The following CAND1 variants were observed in gnomAD, a reference collection of about 807,000 sequenced individuals.
CAND1 encodes the protein cullin-associated NEDD8-dissociated protein 1.
In CAND1, 7 loss-of-function variants were observed where a neutral mutation model predicts 108.5. That is an observed-to-expected ratio of 0.06 (90% confidence interval 0.04 to 0.12). CAND1 has a LOEUF of 0.12. Ranked by LOEUF, CAND1 falls within the 10% of genes least tolerant of loss-of-function variation. The pLI is 1.00. For synonymous variants in CAND1, 534 were observed against 512.0 expected, an observed-to-expected ratio of 1.04 and a Z score of -0.58; for missense variants, 941 against 1,448.7, an observed-to-expected ratio of 0.65 and a Z score of 5.69.
At chr12:67,279,728 C>A (rs1046105583) in intron 1 of CAND1, among the ~76,000 whole-genome samples, 1 of 152,016 alleles carries the variant, frequency 6.6e-6, no homozygotes, top group African/African-American at 2.4e-5. Context: ...TCCAGAGTTT[C>A]TTACATAATA....
chr12:67,272,782 C>T (rs1420056819), intron 1 of CAND1, among the ~76,000 whole-genome samples: 1 of 152,028 alleles, frequency 6.6e-6, no homozygotes, highest in Non-Finnish European at 1.5e-5. Flanking sequence ...CTTCAACCTC[C>T]GCCTCCCAGG....
intron 1 of CAND1, among the ~76,000 whole-genome samples, chr12:67,275,798 CA>C (rs1436081063): frequency 6.6e-6 from 1 of 152,120 alleles, no homozygotes; most frequent in Non-Finnish European, 1.5e-5. Context: ...CTGTGTTACT[CA>C]TCACTGTGTT....
intron 1 of CAND1, chr12:67,270,044 C>A: frequency 6.3e-6 from 3 of 477,464 alleles, no homozygotes; most frequent in Non-Finnish European, 1.1e-5. Context: ...CTCAGCGCCC[C>A]CACATCCTTC....
Position 67,286,605 on chromosome 12 carries a change from GTTC to G in CAND1, c.212+4557_212+4559del, listed in dbSNP as rs370179269. On this transcript the variant is annotated intron_variant, in intron 2 of 14. Transcript: ENST00000545606. Reference sequence around the variant, plus strand: ...ATGGACTTTTTATTATCAAGTTCTAGTTCTTCTCTGAATTTGATGAGCTTAAGT... The same window carrying G: ...ATGGACTTTTTATTATCAAGTTCTAGTTCTCTGAATTTGATGAGCTTAAGT... Among the ~76,000 whole-genome samples, 560 of 147,900 alleles carry G rather than the reference GTTC, an allele frequency of 3.8e-3. 3 individuals carry two copies. Among genetic ancestry groups the G allele is most frequent in the African/African-American group, 0.013 (530 of 40,180 alleles).
chr12:67,303,729 T>C (rs1202313658), intron 8 of CAND1, among the ~76,000 whole-genome samples: 1 of 152,186 alleles, frequency 6.6e-6, no homozygotes, highest in Non-Finnish European at 1.5e-5. Context: ...CTGTTTGTTT[T>C]ACTGACTAGC....
In CAND1 at chr12:67,305,838, C is replaced by A; in HGVS notation, c.2170C>A (p.Pro724Thr). 6.2e-7 allele frequency: 1 copy of A among 1,614,170 alleles called. No homozygotes were observed. Among genetic ancestry groups the A allele is most frequent in the Non-Finnish European group, 8.5e-7 (1 of 1,180,028 alleles). The change falls in exon 10 of 15, where the codon CCC becomes ACC. Residue 724 changes from proline (P) to threonine (T), a missense_variant. By Grantham distance (38) the Pro-to-Thr change is conservative. Coordinates refer to ENST00000545606, the MANE Select transcript of CAND1 (RefSeq NM_018448.5). The surrounding 1 kb of genome is among the most constrained non-coding windows in gnomAD (Gnocchi z 4.4). ...TCTTACCACTTTGGCAAAAGTATAT[C>A]CCTCCTCCCTTTCAAAGATAAGTGG... The part of the protein sequence containing the change: ...SFLTTLAKVY[P>T]SSLSKISGSI...
At chr12:67,273,839 G>A (rs1001119354) in intron 1 of CAND1, among the ~76,000 whole-genome samples, 2 of 152,072 alleles carry the variant, frequency 1.3e-5, no homozygotes, top group Non-Finnish European at 2.9e-5. Flanking sequence ...GGAATCAAGA[G>A]CTAAAGAAAA....
At chr12:67,283,339 T>C (rs2044637684) in intron 2 of CAND1, among the ~76,000 whole-genome samples, 2 of 152,124 alleles carry the variant, frequency 1.3e-5, no homozygotes, top group Admixed American at 1.3e-4. Context: ...ATCCTAGCAC[T>C]TTGGGAGGCC....
At chr12:67,287,289 C>A (rs142895719) in intron 2 of CAND1, among the ~76,000 whole-genome samples, 11 of 152,304 alleles carry the variant, frequency 7.2e-5, no homozygotes, top group African/African-American at 2.6e-4. Flanking sequence ...TCTCTAGCTT[C>A]ATTCTTCCTT....
In CAND1 at chr12:67,305,819, C is replaced by G. The variant is rs2044876821; in HGVS notation, c.2151C>G (p.Thr717=). ...HVSQMAISFL[T]TLAKVYPSSL... is the part of the protein sequence containing the mutation. ...CACAAATGGCCATCAGTTTTCTTAC[C>G]ACTTTGGCAAAAGTATATCCCTCCT... Residue 717 remains threonine (T), a synonymous_variant, in exon 10 of 15, where the codon ACC becomes ACG. Coordinates refer to ENST00000545606, the MANE Select transcript of CAND1 (RefSeq NM_018448.5). The surrounding 1 kb of genome is among the most constrained non-coding windows in gnomAD (Gnocchi z 4.4). 3 of 1,614,158 alleles carry G rather than the reference C, an allele frequency of 1.9e-6. No individual in the cohort carries two copies. The highest frequency in any genetic ancestry group is 2.5e-6 in the Non-Finnish European group (3 of 1,180,018).
At position 67,305,992 on chromosome 12, in the gene CAND1, T is replaced by G; in HGVS notation, c.2324T>G (p.Leu775Trp). The G allele has an allele frequency of 6.2e-7, 1 of 1,614,188 alleles. No individual in the cohort carries two copies. Among genetic ancestry groups the G allele is most frequent in the African/African-American group, 1.3e-5 (1 of 75,062 alleles). Reference protein sequence around the residue: ...TGTNNLGYMDLLRMLTGPVYS... With the variant: ...TGTNNLGYMDWLRMLTGPVYS... ...ACAAATAATTTAGGATACATGGATT[T>G]GTTGCGCATGCTGACTGGTCCAGTT... Residue 775 changes from leucine (L) to tryptophan (W), a missense_variant, in exon 10 of 15, where the codon TTG becomes TGG. Leu to Trp is a moderately conservative substitution (Grantham distance 61). Coordinates refer to ENST00000545606, the MANE Select transcript of CAND1 (RefSeq NM_018448.5). The surrounding 1 kb of genome is among the most constrained non-coding windows in gnomAD (Gnocchi z 4.4).
At chr12:67,294,953 ATATTTG>A (rs1170896701) in intron 3 of CAND1, 74 bp from the exon 4 acceptor site, 1 of 1,462,788 alleles carries the variant, frequency 6.8e-7, no homozygotes, top group Non-Finnish European at 9.3e-7. Flanking sequence ...GAGTTGTTAA[ATATTTG>A]GTAACTACCA....
intron 3 of CAND1, chr12:67,292,989 A>T (rs2044736168): frequency 2.1e-6 from 1 of 483,910 alleles, no homozygotes; most frequent in African/African-American, 2.0e-5. Context: ...CTTGTATGTA[A>T]TATGAATTTC....
At chr12:67,272,090 C>G (rs1309987900) in intron 1 of CAND1, among the ~76,000 whole-genome samples, 3 of 152,152 alleles carry the variant, frequency 2.0e-5, no homozygotes, top group Admixed American at 2.0e-4. Context: ...TTTGTGGCTA[C>G]ATATTTTAAA....
intron 3 of CAND1, among the ~76,000 whole-genome samples, chr12:67,294,739 G>A (rs887557666): frequency 5.9e-5 from 9 of 152,140 alleles, no homozygotes; most frequent in Non-Finnish European, 1.2e-4. Flanking sequence ...TTTATGTCCA[G>A]TAAGTTATTT....
intron 2 of CAND1, among the ~76,000 whole-genome samples, chr12:67,285,787 A>C (rs1463215269): frequency 6.6e-6 from 1 of 152,174 alleles, no homozygotes; most frequent in African/African-American, 2.4e-5. Context: ...ATTACGTAGT[A>C]TGTGTTCCTG....
chr12:67,298,536 C>T (rs187877052), intron 6 of CAND1, among the ~76,000 whole-genome samples: 72 of 152,258 alleles, frequency 4.7e-4, no homozygotes, highest in African/African-American at 1.5e-3. Context: ...GCCCTGTGGG[C>T]ATTTATATGT....
At chr12:67,310,517 T>C in intron 13 of CAND1, 1 of 403,342 alleles carries the variant, frequency 2.5e-6, no homozygotes. Context: ...AGAGCCCTTT[T>C]TATTGGAGGA....
intron 4 of CAND1, 68 bp from the exon 5 acceptor site, chr12:67,297,339 A>C (rs1271464169): frequency 7.1e-7 from 1 of 1,406,770 alleles, no homozygotes; most frequent in East Asian, 2.3e-5. Flanking sequence ...CAGAGGCCAG[A>C]CATTTAGTAG....
Sources: gnomAD v4.1 joint callset for allele counts (sites outside exome capture counted in the v4.1 genomes callset) on GRCh38, gnomAD v4.1.1 for gene constraint, Gnocchi (gnomAD v3.1) non-coding constraint, MANE v1.5 for transcripts, NCBI Gene and HGNC (gene_info 2026-07-23, HGNC 2026-07-21) for gene names.